INTS2: variants seen among roughly 807,000 people sequenced by gnomAD.
The protein encoded by INTS2 is KIAA1287.
Under a neutral mutation model 139.6 loss-of-function variants are expected in INTS2, and 57 were observed. That is an observed-to-expected ratio of 0.41 (90% confidence interval 0.33 to 0.51). The LOEUF (loss-of-function observed/expected upper bound fraction) is 0.51, where lower values mean the gene tolerates loss of function less well. INTS2 is among the 20% of genes least tolerant of loss of function. The pLI, the probability that INTS2 is intolerant of heterozygous loss-of-function variation, is 0.28. For missense variants in INTS2, 1,196 were observed against 1,436.7 expected (o/e 0.83, Z 2.71); for synonymous variants, 473 against 493.4 (o/e 0.96, Z 0.55).
chr17:61,881,655 C>A (rs955684398), intron 16 of INTS2, among the ~76,000 whole-genome samples: 9 of 152,156 alleles, frequency 5.9e-5, no homozygotes, highest in African/African-American at 2.2e-4. Flanking sequence ...AAGCTTGTTT[C>A]ATGTGCAGAA....
chr17:61,920,740 T>C (rs1603383984), intron 4 of INTS2, among the ~76,000 whole-genome samples: 1 of 150,920 alleles, frequency 6.6e-6, no homozygotes. Flanking sequence ...GAGGCGGAGG[T>C]TGCAGTGAGC....
rs138708970 is a variant in INTS2 at position 61,909,611 on chromosome 17, T to C, written c.954+1909A>G. On this transcript the variant is annotated intron_variant, in intron 7 of 24. Coordinates refer to ENST00000251334, the MANE Select transcript of INTS2 (RefSeq NM_001351695.2). This position sits in a 1 kb window ranked among gnomAD's most constrained non-coding sequence, Gnocchi z 4.9. The stretch of plus-strand genomic sequence containing the variant: ...ATGTGTATTATCCCACTCGCTTATG[T>C]CCATGTGTACACATGATTAGCACCC... 6.6e-6 allele frequency among the ~76,000 whole-genome samples: 1 copy of C among 152,134 alleles called. No individual in the cohort carries two copies. Among genetic ancestry groups the C allele is most frequent in the Admixed American group, 6.5e-5 (1 of 15,272 alleles).
intron 8 of INTS2, 103 bp downstream of exon 8, chr17:61,907,305 G>C: frequency 1.0e-6 from 1 of 955,104 alleles, no homozygotes; most frequent in South Asian, 1.7e-5. Flanking sequence ...GAGTCCAACA[G>C]AAAACTTTAA....
chr17:61,895,262 A>G, intron 12 of INTS2, 53 bp downstream of exon 12: 1 of 1,056,848 alleles, frequency 9.5e-7, no homozygotes, highest in Non-Finnish European at 1.4e-6. Flanking sequence ...GTTTTCTCCC[A>G]AAGAATATTG....
intron 5 of INTS2, among the ~76,000 whole-genome samples, chr17:61,916,499 A>C (rs1419068311): frequency 6.6e-6 from 1 of 152,136 alleles, no homozygotes; most frequent in African/African-American, 2.4e-5. Flanking sequence ...AAAGCCACAC[A>C]CCTACAATCA....
At chr17:61,926,745 T>C (rs1190050041) in intron 1 of INTS2, 83 bp from the exon 2 acceptor site, 1 of 1,103,754 alleles carries the variant, frequency 9.1e-7, no homozygotes, top group African/African-American at 1.6e-5. Flanking sequence ...CTGAAAAATG[T>C]GGTGTATCTT....
At chr17:61,900,017 C>A (rs1423061243) in intron 9 of INTS2, among the ~76,000 whole-genome samples, 1 of 152,026 alleles carries the variant, frequency 6.6e-6, no homozygotes, top group Non-Finnish European at 1.5e-5. Context: ...TAATTTTACA[C>A]CATCCTGAAA....
rs1320559502 is a variant in INTS2, at chr17:61,907,591, C to T, written c.998G>A (p.Arg333Lys). 5 of 1,592,364 alleles carry T rather than the reference C, an allele frequency of 3.1e-6. No homozygotes were observed. The highest frequency in any genetic ancestry group is 3.4e-6 in the Non-Finnish European group (4 of 1,168,712). ...GCCCATCAACTCCAGAAGAAGCTGC[C>T]TTCTCATCTGCCAAAGGACAGAACT... ...TSSSVLWQMRRQLLLELMGIL... is the reference protein window; with the variant it reads ...TSSSVLWQMRKQLLLELMGIL... The change falls in exon 8 of 25, where the codon AGG becomes AAG. Residue 333 changes from arginine to lysine, a missense_variant. By Grantham distance (26) the Arg-to-Lys change is conservative. Around this residue, in one of 3 missense-constraint regions of INTS2, gnomAD observed 1,129 missense variants for 1,341.9 expected, o/e 0.84. Transcript: ENST00000251334.
At chr17:61,904,307 C>A (rs1213377698) in intron 9 of INTS2, among the ~76,000 whole-genome samples, 153 bp downstream of exon 9, 1 of 152,092 alleles carries the variant, frequency 6.6e-6, no homozygotes, top group Non-Finnish European at 1.5e-5. Flanking sequence ...AAGCTAGACC[C>A]CTTCTCTTAA....
Position 61,895,320 on chromosome 17 carries a change from C to T in INTS2, c.1558G>A (p.Glu520Lys), listed in dbSNP as rs764906497. 1.3e-6 allele frequency: 2 copies of T among 1,563,148 alleles called. No homozygotes were observed. ...CTAAGAATAAAAAGAAATACCTGCT[C>T]AGTAAAAATTTCCTGTGTGAAGATT... ...KTIFTQEIFT[E>K]QVVTAHAVRV... is the part of the protein sequence containing the mutation. Residue 520 changes from glutamate to lysine, a missense_variant, in exon 12 of 25, where the codon GAG (glutamate) becomes AAG (lysine). Physicochemically the swap from Glu to Lys is moderately conservative, Grantham distance 56. This residue lies in a region of INTS2 where 1,129 missense variants were observed against 1,341.9 expected (regional missense o/e 0.84). Transcript: ENST00000251334.
At chr17:61,901,148 C>T (rs1267812697) in intron 9 of INTS2, among the ~76,000 whole-genome samples, 1 of 151,948 alleles carries the variant, frequency 6.6e-6, no homozygotes, top group Non-Finnish European at 1.5e-5. Flanking sequence ...TGTGGTGGCC[C>T]ACACTGGCCA....
rs2079054674 is a variant in INTS2, at chr17:61,867,486, A to G, written c.*71T>C. Reference sequence around the variant, plus strand: ...ACTTTACTGTTCCCATTCAGTTTAGAGTTGTTACTAATATGCAGATTCATG... The same window carrying G: ...ACTTTACTGTTCCCATTCAGTTTAGGGTTGTTACTAATATGCAGATTCATG... On this transcript the variant is annotated 3_prime_UTR_variant, in exon 25 of 25. Coordinates refer to ENST00000251334, the MANE Select transcript of INTS2 (RefSeq NM_001351695.2). This position sits in a 1 kb window ranked among gnomAD's most constrained non-coding sequence, Gnocchi z 5.6. 1 of 864,550 alleles carries G rather than the reference A, an allele frequency of 1.2e-6. No individual in the cohort carries two copies. Among genetic ancestry groups the G allele is most frequent in the South Asian group, 1.7e-5 (1 of 58,516 alleles). The allele number at this position is 864,550 out of a possible 1,614,324, so 53.6% of individuals were successfully genotyped here. A position where few individuals can be genotyped will look rare whatever the true frequency, so the allele number is the denominator to read the frequency against.
intron 15 of INTS2, among the ~76,000 whole-genome samples, chr17:61,886,719 C>A (rs750300430): frequency 6.6e-5 from 10 of 152,198 alleles, no homozygotes; most frequent in Non-Finnish European, 1.2e-4. Flanking sequence ...TTCCTTTACA[C>A]CACAGGAATA....
intron 17 of INTS2, among the ~76,000 whole-genome samples, chr17:61,880,225 T>C (rs2079165488): frequency 6.6e-6 from 1 of 151,732 alleles, no homozygotes; most frequent in Non-Finnish European, 1.5e-5. Flanking sequence ...TTTTTGTATT[T>C]TTAGTAGAGA....
chr17:61,875,792 C>T lies in INTS2; in HGVS notation c.2457-754G>A, dbSNP rs895227459. Among the ~76,000 whole-genome samples, 8 of 151,966 alleles carry T rather than the reference C, an allele frequency of 5.3e-5. No homozygotes were observed. The highest frequency in any genetic ancestry group is 1.9e-4 in the African/African-American group (8 of 41,368). On this transcript the variant is annotated intron_variant, in intron 18 of 24. Transcript: ENST00000251334. The surrounding 1 kb of genome is among the most constrained non-coding windows in gnomAD (Gnocchi z 4.6). ...AAAAAATTTTCGAACTATTAATATCCTAAAAGAATAAAGTATTTTATACAT... is the reference window on the plus strand; with the variant it reads ...AAAAAATTTTCGAACTATTAATATCTTAAAAGAATAAAGTATTTTATACAT...
At chr17:61,891,766 G>T (rs2079297544) in intron 13 of INTS2, 77 bp from the exon 14 acceptor site, 1 of 1,018,262 alleles carries the variant, frequency 9.8e-7, no homozygotes, top group Non-Finnish European at 1.4e-6. Context: ...AGTACATACA[G>T]TTTTACATGA....
In INTS2 at chr17:61,893,827, T is replaced by C; in HGVS notation, c.1636A>G (p.Ile546Val). ...CTGAGAAGCTGGTAAATACAATGAA[T>C]AGGCAAAAATCCAGTAATGTTGGCA... Reference protein sequence around the residue: ...LSANITGFLPIHCIYQLLRSR... With the variant: ...LSANITGFLPVHCIYQLLRSR... Residue 546 changes from isoleucine (I) to valine (V), a missense_variant, in exon 13 of 25, where the codon ATT (isoleucine) becomes GTT (valine). Coordinates refer to ENST00000251334, the MANE Select transcript of INTS2 (RefSeq NM_001351695.2). The surrounding 1 kb of genome is among the most constrained non-coding windows in gnomAD (Gnocchi z 5.4). The C allele has an allele frequency of 1.3e-6, 2 of 1,583,902 alleles. No individual in the cohort carries two copies. Among genetic ancestry groups the C allele is most frequent in the Non-Finnish European group, 1.7e-6 (2 of 1,164,092 alleles).
Position 61,867,498 on chromosome 17 carries a change from T to A in INTS2, c.*59A>T. The A allele has an allele frequency of 9.9e-7, 1 of 1,012,396 alleles. No homozygotes were observed. Among genetic ancestry groups the A allele is most frequent in the Non-Finnish European group, 1.5e-6 (1 of 676,676 alleles). The allele number at this position is 1,012,396 out of a possible 1,614,324, so 62.7% of individuals were successfully genotyped here. The stretch of plus-strand genomic sequence containing the variant: ...CCATTCAGTTTAGAGTTGTTACTAA[T>A]ATGCAGATTCATGTTGGGTATATGC... On this transcript the variant is annotated 3_prime_UTR_variant, in exon 25 of 25. Coordinates refer to ENST00000251334, the MANE Select transcript of INTS2 (RefSeq NM_001351695.2). This position sits in a 1 kb window ranked among gnomAD's most constrained non-coding sequence, Gnocchi z 5.6.
At chr17:61,918,142 C>T (rs1038102166) in intron 5 of INTS2, among the ~76,000 whole-genome samples, 3 of 152,154 alleles carry the variant, frequency 2.0e-5, no homozygotes, top group African/African-American at 7.2e-5. Context: ...ACACAGTTTA[C>T]AAAGAGTTTT....
Sources: gnomAD v4.1 joint callset for allele counts (sites outside exome capture counted in the v4.1 genomes callset) on GRCh38, gnomAD v4.1.1 for gene constraint, gnomAD v4.1.1 regional missense constraint, Gnocchi (gnomAD v3.1) non-coding constraint, MANE v1.5 for transcripts, NCBI Gene and HGNC (gene_info 2026-07-23, HGNC 2026-07-21) for gene names.